The following TLL1 variants were observed in gnomAD, a reference collection of about 807,000 sequenced individuals.
TLL1 encodes tolloid like 1.
A neutral mutation model predicts 128.2 loss-of-function variants in TLL1; 49 were observed. The ratio of observed to expected loss-of-function variants is 0.38; its 90% CI spans 0.30 to 0.48. The LOEUF is 0.48. TLL1 is among the 20% of genes least tolerant of loss of function. TLL1 has a pLI of 0.96. For synonymous variants in TLL1, 454 were observed against 418.8 expected, an observed-to-expected ratio of 1.08 and a Z score of -1.03; for missense variants, 1,123 against 1,242.0, an observed-to-expected ratio of 0.90 and a Z score of 1.44.
At chr4:165,889,142 A>G (rs1430217560) in intron 1 of TLL1, among the ~76,000 whole-genome samples, 1 of 152,244 alleles carries the variant, frequency 6.6e-6, no homozygotes, top group Non-Finnish European at 1.5e-5. Context: ...TGACAGAAAC[A>G]GCAGTCATTA....
intron 1 of TLL1, among the ~76,000 whole-genome samples, chr4:165,905,549 G>C (rs1339979323): frequency 6.6e-6 from 1 of 152,038 alleles, no homozygotes; most frequent in African/African-American, 2.4e-5. Context: ...GTGATTTTCT[G>C]TTGACTCCTG....
chr4:165,891,806 CCTAT>C (rs1357886737), intron 1 of TLL1, among the ~76,000 whole-genome samples: 6 of 152,226 alleles, frequency 3.9e-5, no homozygotes, highest in African/African-American at 1.4e-4. Context: ...CCCACATTTT[CCTAT>C]CTTCTTCTGA....
intron 1 of TLL1, among the ~76,000 whole-genome samples, chr4:165,957,786 T>C (rs1361637732): frequency 6.6e-6 from 1 of 151,250 alleles, no homozygotes; most frequent in Admixed American, 6.6e-5. Context: ...TACGTATACA[T>C]GTGCCATGCT....
intron 1 of TLL1, among the ~76,000 whole-genome samples, chr4:165,902,241 A>G (rs989249895): frequency 7.2e-5 from 11 of 151,830 alleles, no homozygotes; most frequent in Non-Finnish European, 1.5e-4. Flanking sequence ...CCCCCTTTCC[A>G]GGGGAGTGAA....
At chr4:166,057,054 C>T (rs1045595441) in intron 13 of TLL1, 130 bp from the exon 14 acceptor site, 64 of 1,024,560 alleles carry the variant, frequency 6.2e-5, no homozygotes, top group Non-Finnish European at 8.1e-5. Context: ...CCAGGTCCCT[C>T]TCATGACACG....
intron 15 of TLL1, 51 bp from the exon 16 acceptor site, chr4:166,065,632 A>T: frequency 6.4e-7 from 1 of 1,566,176 alleles, no homozygotes; most frequent in Non-Finnish European, 8.8e-7. Context: ...GATAAATGTC[A>T]ATCATCTTGT....
At chr4:165,973,152 A>G (rs116449024) in intron 1 of TLL1, among the ~76,000 whole-genome samples, 2,019 of 152,228 alleles carry the variant, frequency 0.013, 47 homozygotes, top group African/African-American at 0.046. Context: ...GGCTCACACT[A>G]TCAAAAGCTG....
chr4:165,934,572 G>A (rs1215975078), intron 1 of TLL1, among the ~76,000 whole-genome samples: 1 of 152,196 alleles, frequency 6.6e-6, no homozygotes, highest in Non-Finnish European at 1.5e-5. Context: ...TTAGGGAAGT[G>A]TCCCAGTGTG....
intron 16 of TLL1, among the ~76,000 whole-genome samples, chr4:166,069,783 C>T (rs1407263142): frequency 1.3e-5 from 2 of 151,586 alleles, no homozygotes; most frequent in Admixed American, 1.3e-4. Context: ...TCAATTCTGA[C>T]TAAATATCAT....
intron 1 of TLL1, among the ~76,000 whole-genome samples, chr4:165,983,936 A>G (rs1736278606): frequency 6.6e-6 from 1 of 151,888 alleles, no homozygotes; most frequent in Non-Finnish European, 1.5e-5. Context: ...TTAACTCATT[A>G]ATAGTACTTT....
At chr4:165,978,018 T>C (rs1314822609) in intron 1 of TLL1, among the ~76,000 whole-genome samples, 1 of 152,208 alleles carries the variant, frequency 6.6e-6, no homozygotes, top group Non-Finnish European at 1.5e-5. Context: ...TCAATTATTC[T>C]CTTTATTGAT....
intron 1 of TLL1, among the ~76,000 whole-genome samples, chr4:165,944,823 A>G (rs1456693671): frequency 6.6e-6 from 1 of 152,108 alleles, no homozygotes; most frequent in Non-Finnish European, 1.5e-5. Flanking sequence ...GCTACACATT[A>G]GGGGTAGTAG....
At chr4:166,099,569 A>T (rs1244735540) in intron 20 of TLL1, 42 bp downstream of exon 20, 1 of 1,599,380 alleles carries the variant, frequency 6.3e-7, no homozygotes, top group South Asian at 1.1e-5. Context: ...ATGATTAAAG[A>T]TGCCTATTGA....
At chr4:166,007,588 A>AT (rs111267625) in intron 6 of TLL1, among the ~76,000 whole-genome samples, 2,042 of 151,892 alleles carry the variant, frequency 0.013, 44 homozygotes, top group African/African-American at 0.047. Flanking sequence ...TGGGAAACTC[A>AT]TAGATAAAAA....
Position 165,880,607 on chromosome 4 carries a change from G to T in TLL1, c.169+6534G>T, listed in dbSNP as rs193165874. 2.6e-5 allele frequency among the ~76,000 whole-genome samples: 4 copies of T among 152,238 alleles called. No homozygotes were observed. The East Asian group carries it at 7.7e-4, about 29-fold the overall frequency. On this transcript the variant is annotated intron_variant, in intron 1 of 20. Coordinates refer to ENST00000061240, the MANE Select transcript of TLL1 (RefSeq NM_012464.5). ...AGCATTCAACTCAGTGTTTAAAAAA[G>T]ACTTCAACAGTTTTTAACACACCAT... is the stretch of plus-strand genomic sequence containing the variant.
intron 1 of TLL1, among the ~76,000 whole-genome samples, chr4:165,912,620 C>T (rs1487295427): frequency 1.3e-5 from 2 of 152,208 alleles, no homozygotes; most frequent in South Asian, 2.1e-4. Context: ...GAATCCCTGC[C>T]CATGTGATAG....
At chr4:166,002,268 C>G (rs983538637) in intron 5 of TLL1, among the ~76,000 whole-genome samples, 1 of 152,036 alleles carries the variant, frequency 6.6e-6, no homozygotes, top group Non-Finnish European at 1.5e-5. Context: ...AGGCAGAGTC[C>G]TCCTGATCCT....
In TLL1 at chr4:165,926,459, G is replaced by T. The variant is rs569587137; in HGVS notation, c.169+52386G>T. Among the ~76,000 whole-genome samples, 4 of 152,292 alleles carry T rather than the reference G, an allele frequency of 2.6e-5. No individual in the cohort carries two copies. In the South Asian group the frequency reaches 8.3e-4, roughly 32 times the overall value. Reference sequence around the variant, plus strand: ...CAGTTTGTTCTTATCTCTGGTAGAAGTTCTTATCTTGTGGGGACAGGAATT... The same window carrying T: ...CAGTTTGTTCTTATCTCTGGTAGAATTTCTTATCTTGTGGGGACAGGAATT... On this transcript the variant is annotated intron_variant, in intron 1 of 20. Transcript: ENST00000061240.
At chr4:165,944,386 A>G (rs1164884318) in intron 1 of TLL1, among the ~76,000 whole-genome samples, 1 of 152,164 alleles carries the variant, frequency 6.6e-6, no homozygotes, top group Non-Finnish European at 1.5e-5. Context: ...CACAAATAAC[A>G]TCTTATGCAA....
Sources: allele counts gnomAD v4.1 joint callset (sites outside exome capture counted in the v4.1 genomes callset), GRCh38; gene constraint gnomAD v4.1.1; transcripts MANE v1.5; gene names NCBI Gene and HGNC (gene_info 2026-07-23, HGNC 2026-07-21).